Variants in NRG1 observed in about 807,000 individuals in gnomAD.
The protein encoded by NRG1 is pro-neuregulin-1, membrane-bound isoform.
Under a neutral mutation model 63.8 loss-of-function variants are expected in NRG1, and 18 were observed. The ratio of observed to expected loss-of-function variants is 0.28; its 90% confidence interval spans 0.19 to 0.42. The LOEUF (loss-of-function observed/expected upper bound fraction) is 0.42, where lower values mean the gene tolerates loss of function less well. Ranked by LOEUF, NRG1 falls within the 10% of genes least tolerant of loss-of-function variation. NRG1 has a pLI of 1.00. For synonymous variants in NRG1, 302 were observed against 301.3 expected, an observed-to-expected ratio of 1.00 and a Z score of -0.02; for missense variants, 762 against 814.7, an observed-to-expected ratio of 0.94 and a Z score of 0.79.
chr8:32,292,269 A>G (rs188151772), intron 1 of NRG1, among the ~76,000 whole-genome samples: 1 of 152,348 alleles, frequency 6.6e-6, no homozygotes. Flanking sequence ...TTTTTATTCC[A>G]AAAGATTGAA....
intron 1 of NRG1, among the ~76,000 whole-genome samples, chr8:32,370,885 A>G (rs1308816968): frequency 7.2e-6 from 1 of 139,386 alleles, no homozygotes; most frequent in South Asian, 2.4e-4. Context: ...AAAAAAAAAG[A>G]CAACAACAAC....
intron 1 of NRG1, among the ~76,000 whole-genome samples, chr8:32,362,655 A>T (rs7837246): frequency 0.13 from 20,235 of 152,236 alleles, 1,616 homozygotes; most frequent in Middle Eastern, 0.21. Context: ...TCAAGCAGAG[A>T]TTCTCTTCTC....
chr8:32,024,333 G>A (rs1483421307), intron 1 of NRG1, among the ~76,000 whole-genome samples: 1 of 152,232 alleles, frequency 6.6e-6, no homozygotes, highest in Non-Finnish European at 1.5e-5. Flanking sequence ...AGATGAAAAT[G>A]AGCCCAAGCC....
chr8:32,417,371 G>T (rs1248482724), intron 1 of NRG1, among the ~76,000 whole-genome samples: 1 of 152,138 alleles, frequency 6.6e-6, no homozygotes. Flanking sequence ...TACTGCTGCA[G>T]GTATTGGTGA....
chr8:31,736,475 A>G (rs1158274878), intron 1 of NRG1, among the ~76,000 whole-genome samples: 1 of 152,078 alleles, frequency 6.6e-6, no homozygotes, highest in Non-Finnish European at 1.5e-5. Context: ...CATGATAGCT[A>G]CCTCATGATT....
intron 1 of NRG1, among the ~76,000 whole-genome samples, chr8:31,795,602 T>C (rs1424113016): frequency 6.6e-6 from 1 of 152,202 alleles, no homozygotes; most frequent in Non-Finnish European, 1.5e-5. Context: ...GGTTATTCCT[T>C]ACTAGACAAA....
chr8:32,542,461 G>T (rs1832668229), intron 1 of NRG1, among the ~76,000 whole-genome samples: 2 of 152,158 alleles, frequency 1.3e-5, no homozygotes, highest in African/African-American at 2.4e-5. Context: ...TGTAAAGAGA[G>T]GTTAAAACAG....
intron 1 of NRG1, among the ~76,000 whole-genome samples, chr8:31,891,126 A>G (rs1320130817): frequency 6.6e-6 from 1 of 152,204 alleles, no homozygotes; most frequent in Non-Finnish European, 1.5e-5. Flanking sequence ...TGAGATCACA[A>G]CTTATAAATG....
chr8:32,606,081 T>C (rs918611892), intron 3 of NRG1, among the ~76,000 whole-genome samples: 1 of 149,940 alleles, frequency 6.7e-6, no homozygotes, highest in Non-Finnish European at 1.5e-5. Context: ...ACACAGAATA[T>C]ATGCATATTA....
intron 1 of NRG1, among the ~76,000 whole-genome samples, chr8:32,145,957 C>T (rs1399942577): frequency 6.6e-6 from 1 of 152,164 alleles, no homozygotes; most frequent in Non-Finnish European, 1.5e-5. Context: ...AGGTGATGTA[C>T]AGCAGCAAAA....
intron 1 of NRG1, among the ~76,000 whole-genome samples, chr8:32,153,670 G>T (rs566061458): frequency 6.6e-6 from 1 of 152,240 alleles, no homozygotes; most frequent in African/African-American, 2.4e-5. Flanking sequence ...CCAATGAAAA[G>T]CTATGAAAGA....
intron 1 of NRG1, among the ~76,000 whole-genome samples, chr8:32,211,758 C>T (rs1756621884): frequency 6.6e-6 from 1 of 152,148 alleles, no homozygotes; most frequent in Admixed American, 6.5e-5. Context: ...ATAGTTTCTT[C>T]CATCACACAG....
chr8:32,295,117 T>A (rs1424652704), intron 1 of NRG1, among the ~76,000 whole-genome samples: 1 of 152,160 alleles, frequency 6.6e-6, no homozygotes, highest in Non-Finnish European at 1.5e-5. Flanking sequence ...AAGTGTCTAG[T>A]GTAATTATTT....
intron 1 of NRG1, among the ~76,000 whole-genome samples, chr8:32,415,402 G>A (rs1815739835): frequency 7.1e-6 from 1 of 141,170 alleles, no homozygotes. Flanking sequence ...AAAGAAAAAG[G>A]ATGTGAAAGG....
chr8:31,832,862 G>C (rs1050399540), intron 1 of NRG1, among the ~76,000 whole-genome samples: 15 of 151,970 alleles, frequency 9.9e-5, no homozygotes, highest in Admixed American at 8.5e-4. Context: ...ACTTTATCAG[G>C]GTGTCAGTTT....
intron 5 of NRG1, among the ~76,000 whole-genome samples, chr8:32,666,647 A>G (rs1458488936): frequency 6.6e-6 from 1 of 152,242 alleles, no homozygotes; most frequent in East Asian, 1.9e-4. Flanking sequence ...TATGCATACC[A>G]TGAAATTTGC....
At chr8:32,312,743 G>A (rs930033200) in intron 1 of NRG1, among the ~76,000 whole-genome samples, 1 of 151,886 alleles carries the variant, frequency 6.6e-6, no homozygotes, top group South Asian at 2.1e-4. Flanking sequence ...CAACCTCCCG[G>A]GAATGAAACT....
chr8:32,238,707 CT>C (rs1381913180), intron 1 of NRG1, among the ~76,000 whole-genome samples: 1 of 152,110 alleles, frequency 6.6e-6, no homozygotes, highest in Admixed American at 6.6e-5. Context: ...CTTACATCCA[CT>C]TTTTTTGTTG....
intron 1 of NRG1, among the ~76,000 whole-genome samples, chr8:32,087,769 A>G (rs1394106718): frequency 6.6e-6 from 1 of 152,008 alleles, no homozygotes; most frequent in Non-Finnish European, 1.5e-5. Flanking sequence ...GCGCCTAACC[A>G]TATTTCTTTA....
Sources: allele counts gnomAD v4.1 joint callset (sites outside exome capture counted in the v4.1 genomes callset), GRCh38; gene constraint gnomAD v4.1.1; transcripts MANE v1.5; gene names NCBI Gene and HGNC (gene_info 2026-07-23, HGNC 2026-07-21).